Variants in DPYD observed in about 807,000 individuals in gnomAD.
The protein encoded by DPYD is dihydropyrimidine dehydrogenase, also known as dihydropyrimidine dehydrogenase [NADP(+)].
DPYD carries 109 observed loss-of-function variants against 116.2 expected under a neutral mutation model. That is an observed-to-expected ratio of 0.94 (90% confidence interval 0.80 to 1.10). The LOEUF is 1.10. DPYD is among the 50% of genes least tolerant of loss of function. The probability of loss-of-function intolerance (pLI) is 0.00; values close to 1 mark genes in which losing one functional copy is unlikely to be tolerated. For missense variants in DPYD, 1,302 were observed against 1,254.5 expected (o/e 1.04, Z -0.57); for synonymous variants, 440 against 432.0 (o/e 1.02, Z -0.23).
At chr1:97,589,858 TC>T (rs1654383665) in intron 10 of DPYD, among the ~76,000 whole-genome samples, 1 of 152,152 alleles carries the variant, frequency 6.6e-6, no homozygotes, top group African/African-American at 2.4e-5. Context: ...TCTCTAAATG[TC>T]CCTGTCCCTC....
chr1:97,491,154 C>T (rs1224212224), intron 13 of DPYD, among the ~76,000 whole-genome samples: 1 of 146,656 alleles, frequency 6.8e-6, no homozygotes, highest in Admixed American at 6.9e-5. Context: ...ATAGATACTA[C>T]ATAATAAAAT....
intron 18 of DPYD, among the ~76,000 whole-genome samples, chr1:97,287,222 C>A (rs368885589): frequency 1.3e-5 from 2 of 152,150 alleles, no homozygotes; most frequent in African/African-American, 2.4e-5. Context: ...GTATCAGCAG[C>A]GGTGGCCGCA....
At chr1:97,464,283 T>TA (rs1275724095) in intron 13 of DPYD, among the ~76,000 whole-genome samples, 28 of 116,156 alleles carry the variant, frequency 2.4e-4, no homozygotes, top group African/African-American at 6.3e-4. Flanking sequence ...TAAAATAAAA[T>TA]AAAGAAAAGA....
chr1:97,716,730 C>A (rs558789055), intron 5 of DPYD, among the ~76,000 whole-genome samples: 2 of 152,098 alleles, frequency 1.3e-5, no homozygotes, highest in East Asian at 3.9e-4. Context: ...CTTCAACATT[C>A]ATTTGAGAAT....
chr1:97,859,275 G>C (rs1334577234), intron 2 of DPYD, among the ~76,000 whole-genome samples: 6 of 152,092 alleles, frequency 3.9e-5, no homozygotes, highest in Non-Finnish European at 8.8e-5. Context: ...TTTCAATAAA[G>C]AGCAGCGTAT....
At chr1:97,145,417 T>C (rs1376511048) in intron 20 of DPYD, among the ~76,000 whole-genome samples, 1 of 152,170 alleles carries the variant, frequency 6.6e-6, no homozygotes, top group Non-Finnish European at 1.5e-5. Flanking sequence ...CTTTGTTGTA[T>C]AATAATTCAT....
intron 22 of DPYD, among the ~76,000 whole-genome samples, chr1:97,080,548 T>C (rs142865180): frequency 3.3e-5 from 5 of 152,242 alleles, no homozygotes; most frequent in East Asian, 1.9e-4. Context: ...ACAAGAACTA[T>C]AGCTATAGCA....
chr1:97,339,644 C>T (rs1669495761), intron 16 of DPYD, among the ~76,000 whole-genome samples: 1 of 152,136 alleles, frequency 6.6e-6, no homozygotes, highest in Non-Finnish European at 1.5e-5. Context: ...TACTCCCAAT[C>T]TCATAAAATT....
intron 6 of DPYD, among the ~76,000 whole-genome samples, chr1:97,692,086 T>G (rs959475583): frequency 6.6e-6 from 1 of 152,080 alleles, no homozygotes; most frequent in African/African-American, 2.4e-5. Context: ...TACTTTTAAG[T>G]TCAATAAAGT....
chr1:97,438,926 A>G (rs532786083), intron 14 of DPYD, among the ~76,000 whole-genome samples: 2 of 152,024 alleles, frequency 1.3e-5, no homozygotes, highest in East Asian at 3.9e-4. Flanking sequence ...TGTGGAATGG[A>G]AGTTGGTGAA....
At chr1:97,405,312 C>G (rs1673596238) in intron 14 of DPYD, among the ~76,000 whole-genome samples, 1 of 151,982 alleles carries the variant, frequency 6.6e-6, no homozygotes, top group Non-Finnish European at 1.5e-5. Flanking sequence ...GTCCAAGTTT[C>G]TGGCCTATAT....
rs1324186228 is a variant in DPYD, at chr1:97,747,787, T to C, written c.234-7308A>G. Among the ~76,000 whole-genome samples, 5 of 152,206 alleles carry C rather than the reference T, an allele frequency of 3.3e-5. No homozygotes were observed. The East Asian group carries it at 9.6e-4, about 29-fold the overall frequency. On this transcript the variant is annotated intron_variant, in intron 3 of 22. Transcript: ENST00000370192. ...GCATTGAGGTTAAGAGTACAAGTGC[T>C]GGTGCTTGATTGCCCATATTTAATT...
At position 97,920,169 on chromosome 1, in the gene DPYD, A is replaced by G. The variant is rs193077170; in HGVS notation, c.39+715T>C. On this transcript the variant is annotated intron_variant, in intron 1 of 22. Transcript: ENST00000370192. The stretch of plus-strand genomic sequence containing the variant: ...AATCCTTTTCATCGCATATATTAAG[A>G]TACTAGAGAGAAAGGAAATGCCATG... Among the ~76,000 whole-genome samples the G allele has an allele frequency of 6.6e-5, 10 of 152,314 alleles. No homozygotes were observed. In the East Asian group the frequency reaches 1.9e-3, roughly 29 times the overall value.
intron 2 of DPYD, among the ~76,000 whole-genome samples, chr1:97,871,833 C>T (rs940932635): frequency 1.8e-4 from 27 of 151,890 alleles, no homozygotes; most frequent in Non-Finnish European, 7.4e-5. Flanking sequence ...TCATGATGTG[C>T]TTCCATATGT....
At chr1:97,623,690 G>C (rs539777344) in intron 8 of DPYD, among the ~76,000 whole-genome samples, 2 of 151,686 alleles carry the variant, frequency 1.3e-5, no homozygotes, top group Admixed American at 6.6e-5. Context: ...TGAGCAAAAA[G>C]AACAAAACTG....
Position 97,136,670 on chromosome 1 carries a change from A to C in DPYD, c.2623-38038T>G, listed in dbSNP as rs1031295841. Among the ~76,000 whole-genome samples, 4 of 152,294 alleles carry C rather than the reference A, an allele frequency of 2.6e-5. No individual in the cohort carries two copies. The East Asian group carries it at 5.8e-4, about 22-fold the overall frequency. On this transcript the variant is annotated intron_variant, in intron 20 of 22. Transcript: ENST00000370192. Reference sequence around the variant, plus strand: ...AAGGTCACAAATTGTGCTGGAATCCAAGGGAGAATCACGTATTTGGATGAA... The same window carrying C: ...AAGGTCACAAATTGTGCTGGAATCCCAGGGAGAATCACGTATTTGGATGAA...
intron 11 of DPYD, among the ~76,000 whole-genome samples, chr1:97,559,379 A>T (rs1243585162): frequency 1.3e-5 from 2 of 152,150 alleles, no homozygotes; most frequent in East Asian, 3.8e-4. Context: ...TTAATTAACA[A>T]AATAAATCAA....
intron 8 of DPYD, among the ~76,000 whole-genome samples, chr1:97,624,695 C>T (rs1052811817): frequency 3.3e-5 from 5 of 151,926 alleles, no homozygotes; most frequent in Non-Finnish European, 4.4e-5. Context: ...TTCACAATAG[C>T]TAAACTTTAG....
chr1:97,376,887 G>GTGTGTATATATATATATATATATATA lies in DPYD; in HGVS notation c.1975-3244_1975-3243insTATATATATATATATATATATACACA. Among the ~76,000 whole-genome samples the GTGTGTATATATATATATATATATATA allele has an allele frequency of 1.8e-4, 23 of 128,450 alleles. 1 individual carries two copies. The highest frequency in any genetic ancestry group is 3.3e-4 in the Admixed American group (4 of 12,266). The allele number at this position is 128,450 out of a possible 152,430, so 84.3% of individuals were successfully genotyped here. A position where few individuals can be genotyped will look rare whatever the true frequency, so the allele number is the denominator to read the frequency against. On this transcript the variant is annotated intron_variant, in intron 15 of 22. Transcript: ENST00000370192. Reference sequence around the variant, plus strand: ...AGTTTGTGTGTGTGTGTGTGTGTGTGTATATATATATATATGGTGTGGACT... The same window carrying GTGTGTATATATATATATATATATATA: ...AGTTTGTGTGTGTGTGTGTGTGTGTGTGTGTATATATATATATATATATATATATATATATATATATGGTGTGGACT...
Sources: allele counts gnomAD v4.1 joint callset (sites outside exome capture counted in the v4.1 genomes callset), GRCh38; gene constraint gnomAD v4.1.1; transcripts MANE v1.5; gene names NCBI Gene and HGNC (gene_info 2026-07-23, HGNC 2026-07-21).